The following GPAM variants were observed in gnomAD, a reference collection of about 807,000 sequenced individuals.
GPAM encodes the protein glycerol-3-phosphate acyltransferase 1, mitochondrial.
Under a neutral mutation model 105.0 loss-of-function variants are expected in GPAM, and 56 were observed. That is an observed-to-expected ratio of 0.53 (90% CI 0.43 to 0.67). GPAM has a LOEUF of 0.67. Ranked by LOEUF, GPAM falls within the 30% of genes least tolerant of loss-of-function variation. The pLI, the probability that GPAM is intolerant of heterozygous loss-of-function variation, is 0.00. For synonymous variants in GPAM, 368 were observed against 354.4 expected (o/e 1.04, Z -0.43); for missense variants, 855 against 989.8 (o/e 0.86, Z 1.83).
chr10:112,152,029 A>G lies in GPAM; in HGVS notation c.*1521T>C. On this transcript the variant is annotated 3_prime_UTR_variant, in exon 22 of 22. Transcript: ENST00000348367. ...AGTTTCAAACATGGTATTTCATACA[A>G]TGTGAAATATCAATCAGCATCCCTC... 1 of 968,866 alleles carries G rather than the reference A, an allele frequency of 1.0e-6. No individual in the cohort carries two copies. The highest frequency in any genetic ancestry group is 1.2e-6 in the Non-Finnish European group (1 of 814,770). 60.0% of individuals were successfully genotyped at this position (968,866 alleles called of 1,614,324 possible). A position where few individuals can be genotyped will look rare whatever the true frequency, so the allele number is the denominator to read the frequency against.
chr10:112,212,256 C>A (rs1847918835), intron 1 of GPAM, among the ~76,000 whole-genome samples: 1 of 152,076 alleles, frequency 6.6e-6, no homozygotes, highest in Non-Finnish European at 1.5e-5. Flanking sequence ...AAAAGTAATT[C>A]CGGTTTTCGC....
At chr10:112,170,057 G>C (rs1291971853) in intron 9 of GPAM, among the ~76,000 whole-genome samples, 1 of 152,104 alleles carries the variant, frequency 6.6e-6, no homozygotes, top group Non-Finnish European at 1.5e-5. Flanking sequence ...ATATTACAAA[G>C]TAATAATAAT....
chr10:112,166,893 G>C (rs1847227665), intron 11 of GPAM, among the ~76,000 whole-genome samples: 1 of 152,142 alleles, frequency 6.6e-6, no homozygotes, highest in Non-Finnish European at 1.5e-5. Flanking sequence ...ATTTATCTGA[G>C]GTCTGATGAT....
chr10:112,217,563 G>C (rs1318338526), upstream of GPAM, among the ~76,000 whole-genome samples: 4 of 152,052 alleles, frequency 2.6e-5, no homozygotes, highest in African/African-American at 7.2e-5. Context: ...CAAAGCAAGC[G>C]AGAGAGCTAG....
chr10:112,172,580 C>G (rs1011564598), intron 8 of GPAM, among the ~76,000 whole-genome samples: 1 of 152,182 alleles, frequency 6.6e-6, no homozygotes, highest in Non-Finnish European at 1.5e-5. Context: ...TGAGAAGCAG[C>G]TCCACTGATA....
At chr10:112,194,795 G>A (rs1847704205) in intron 1 of GPAM, among the ~76,000 whole-genome samples, 1 of 152,076 alleles carries the variant, frequency 6.6e-6, no homozygotes, top group Admixed American at 6.5e-5. Flanking sequence ...TACCCCCCTA[G>A]ATGTTTTCTC....
chr10:112,178,735 C>T (rs1401932781), intron 4 of GPAM, among the ~76,000 whole-genome samples: 1 of 152,150 alleles, frequency 6.6e-6, no homozygotes, highest in Admixed American at 6.5e-5. Context: ...GTTATTGTTG[C>T]TTACTAAATC....
chr10:112,151,155 G>A lies in GPAM; in HGVS notation c.*2395C>T. Reference sequence around the variant, plus strand: ...TGACCACAGTCTTCCCCTGAAGAAGGGCATGCATTTCATGTTACAGAAATG... The same window carrying A: ...TGACCACAGTCTTCCCCTGAAGAAGAGCATGCATTTCATGTTACAGAAATG... On this transcript the variant is annotated 3_prime_UTR_variant, in exon 22 of 22. Transcript: ENST00000348367. 2 of 982,850 alleles carry A rather than the reference G, an allele frequency of 2.0e-6. No individual in the cohort carries two copies. The highest frequency in any genetic ancestry group is 2.4e-6 in the Non-Finnish European group (2 of 827,458). The allele number at this position is 982,850 out of a possible 1,614,324, so 60.9% of individuals were successfully genotyped here.
intron 1 of GPAM, among the ~76,000 whole-genome samples, chr10:112,183,303 C>G (rs1455598113): frequency 6.6e-6 from 1 of 152,242 alleles, no homozygotes; most frequent in Non-Finnish European, 1.5e-5. Flanking sequence ...TCAGTCCAAT[C>G]AATGGTAACG....
intron 21 of GPAM, chr10:112,154,413 T>G (rs1846977683): frequency 3.4e-6 from 2 of 590,832 alleles, no homozygotes; most frequent in African/African-American, 3.7e-5. Flanking sequence ...ACCAGTAAAA[T>G]TCCAGAACAT....
At chr10:112,180,645 T>C (rs780342758) in intron 3 of GPAM, 50 bp from the exon 4 acceptor site, 13 of 1,495,018 alleles carry the variant, frequency 8.7e-6, no homozygotes, top group Admixed American at 8.4e-5. Context: ...AAGAGAATAC[T>C]TGTCTACTTG....
chr10:112,215,523 G>A (rs1447586388), upstream of GPAM: 1 of 152,290 alleles, frequency 6.6e-6, no homozygotes, highest in African/African-American at 2.4e-5. Context: ...CAGGCTTCTG[G>A]AGTGCATTTC....
Position 112,151,590 on chromosome 10 carries a change from T to G in GPAM, c.*1960A>C, listed in dbSNP as rs1564807681. ...AAAACAAACCAACCAAAAGGGAAAATAATGCAAGAGAAGCCGTATTTTCTT... is the reference window on the plus strand; with the variant it reads ...AAAACAAACCAACCAAAAGGGAAAAGAATGCAAGAGAAGCCGTATTTTCTT... On this transcript the variant is annotated 3_prime_UTR_variant, in exon 22 of 22. Transcript: ENST00000348367. 1.0e-6 allele frequency: 1 copy of G among 985,584 alleles called. No homozygotes were observed. The highest frequency in any genetic ancestry group is 1.1e-4 in the East Asian group (1 of 8,814). 61.1% of individuals were successfully genotyped at this position (985,584 alleles called of 1,614,324 possible). A position where few individuals can be genotyped will look rare whatever the true frequency, so the allele number is the denominator to read the frequency against.
chr10:112,210,737 C>T (rs1382201373), intron 1 of GPAM, among the ~76,000 whole-genome samples: 2 of 152,208 alleles, frequency 1.3e-5, no homozygotes, highest in South Asian at 2.1e-4. Flanking sequence ...CTCCCCACCA[C>T]CTCCAGAGTT....
At chr10:112,180,919 AC>A (rs1025662371) in intron 3 of GPAM, among the ~76,000 whole-genome samples, 1 of 152,070 alleles carries the variant, frequency 6.6e-6, no homozygotes, top group Admixed American at 6.6e-5. Context: ...AATTAACCTT[AC>A]CCCCTTTTAA....
upstream of GPAM, among the ~76,000 whole-genome samples, chr10:112,186,387 G>T (rs375363583): frequency 6.6e-6 from 1 of 151,460 alleles, no homozygotes; most frequent in South Asian, 2.1e-4. Flanking sequence ...CAGCAGGACC[G>T]TTCTATAAGC....
At chr10:112,170,082 C>CA (rs1847287478) in intron 9 of GPAM, among the ~76,000 whole-genome samples, 1 of 152,244 alleles carries the variant, frequency 6.6e-6, no homozygotes, top group South Asian at 2.1e-4. Flanking sequence ...ATAAAGTGCA[C>CA]AATAAATGTA....
chr10:112,210,343 A>G (rs1847897909), intron 1 of GPAM, among the ~76,000 whole-genome samples: 1 of 152,194 alleles, frequency 6.6e-6, no homozygotes, highest in Non-Finnish European at 1.5e-5. Context: ...CTCCACCATC[A>G]AACAGGGAGT....
Position 112,163,764 on chromosome 10 carries a change from T to A in GPAM, c.1360A>T (p.Asn454Tyr), listed in dbSNP as rs1412779279. ...GRDTSINESR[N>Y]ATDESLRRRL... ...CTTCGTAGGGATTCATCTGTTGCAT[T>A]TCTGGACTCATTAATGGACGTGTCT... Residue 454 changes from asparagine (N) to tyrosine (Y), a missense_variant, in exon 14 of 22, where the codon AAT becomes TAT. Asn to Tyr is a moderately radical substitution (Grantham distance 143). Coordinates refer to ENST00000348367, the MANE Select transcript of GPAM (RefSeq NM_001244949.2). 3 of 1,608,118 alleles carry A rather than the reference T, an allele frequency of 1.9e-6. No homozygotes were observed. Among genetic ancestry groups the A allele is most frequent in the Non-Finnish European group, 2.6e-6 (3 of 1,174,540 alleles).
Sources: allele counts gnomAD v4.1 joint callset (sites outside exome capture counted in the v4.1 genomes callset), GRCh38; gene constraint gnomAD v4.1.1; transcripts MANE v1.5; gene names NCBI Gene and HGNC (gene_info 2026-07-23, HGNC 2026-07-21).